Variants in ELP4 observed in about 807,000 individuals in gnomAD.
ELP4 encodes elongator complex protein 4.
A neutral mutation model predicts 48.9 loss-of-function variants in ELP4; 51 were observed. The observed-to-expected ratio is 1.04, with a 90% CI of 0.83 to 1.32. The LOEUF is 1.32. Ranked by LOEUF, ELP4 falls within the 40% of genes most tolerant of loss-of-function variation. The pLI is 0.00. For synonymous variants in ELP4, 210 were observed against 189.2 expected (o/e 1.11, Z -0.90); for missense variants, 519 against 514.6 (o/e 1.01, Z -0.08).
intron 9 of ELP4, among the ~76,000 whole-genome samples, chr11:31,742,773 C>T (rs964344416): frequency 6.6e-6 from 1 of 152,156 alleles, no homozygotes; most frequent in African/African-American, 2.4e-5. Context: ...AAAGGATCAA[C>T]CAGTACGAGC....
chr11:31,532,631 T>A lies in ELP4; in HGVS notation c.260-7031T>A, dbSNP rs915300813. Among the ~76,000 whole-genome samples the A allele has an allele frequency of 2.0e-5, 3 of 152,188 alleles. No homozygotes were observed. The East Asian group carries it at 5.8e-4, about 29-fold the overall frequency. The stretch of plus-strand genomic sequence containing the variant: ...TGCATCCGTAACTTTATGAAAGTTT[T>A]AATTCTTCTAATTAAATAGTTTAGG... On this transcript the variant is annotated intron_variant, in intron 2 of 9. Transcript: ENST00000640961.
intron 4 of ELP4, among the ~76,000 whole-genome samples, chr11:31,603,329 T>G (rs1957815311): frequency 6.6e-6 from 1 of 151,950 alleles, no homozygotes; most frequent in Non-Finnish European, 1.5e-5. Flanking sequence ...TTTAAATAGC[T>G]AGTTTCTTTT....
chr11:31,780,640 G>GCATGTCA (rs1382061844), intron 9 of ELP4: 1 of 152,132 alleles, frequency 6.6e-6, no homozygotes, highest in Non-Finnish European at 1.5e-5. Context: ...AGATTTCCAA[G>GCATGTCA]CATGTCACAT....
At chr11:31,777,500 G>A (rs1948275446) in intron 9 of ELP4, among the ~76,000 whole-genome samples, 1 of 152,188 alleles carries the variant, frequency 6.6e-6, no homozygotes, top group Admixed American at 6.5e-5. Flanking sequence ...TCATTTTGCT[G>A]TGGCCCTTCT....
At chr11:31,516,027 G>C (rs1468060452) in intron 1 of ELP4, among the ~76,000 whole-genome samples, 1 of 151,728 alleles carries the variant, frequency 6.6e-6, no homozygotes, top group Non-Finnish European at 1.5e-5. Flanking sequence ...AGGAGAATGG[G>C]GGGTGAAACC....
At chr11:31,617,668 CCAAA>C (rs1232481513) in intron 5 of ELP4, among the ~76,000 whole-genome samples, 1 of 149,142 alleles carries the variant, frequency 6.7e-6, no homozygotes, top group Non-Finnish European at 1.5e-5. Flanking sequence ...TAAATCAAAA[CCAAA>C]CAAAGAAATA....
chr11:31,524,049 CATTA>C (rs567923404), intron 2 of ELP4, among the ~76,000 whole-genome samples: 4 of 151,844 alleles, frequency 2.6e-5, no homozygotes, highest in African/African-American at 9.7e-5. Context: ...TAATCTTTTA[CATTA>C]ATTATGTAAT....
chr11:31,571,706 T>C (rs956622985), intron 3 of ELP4, among the ~76,000 whole-genome samples: 7 of 152,224 alleles, frequency 4.6e-5, no homozygotes, highest in Non-Finnish European at 7.3e-5. Flanking sequence ...GAATGGATGT[T>C]GTGTTAGCAG....
chr11:31,604,209 CAG>C (rs1235667956), intron 5 of ELP4, among the ~76,000 whole-genome samples: 1 of 151,672 alleles, frequency 6.6e-6, no homozygotes. Context: ...AGTTCTAAAT[CAG>C]AGTCTTTCAG....
In ELP4 at chr11:31,539,708, C is replaced by A; in HGVS notation, c.306C>A (p.Phe102Leu). Residue 102 changes from phenylalanine to leucine, a missense_variant, in exon 3 of 10, where the codon TTC (phenylalanine) becomes TTA (leucine). Coordinates refer to ENST00000640961, the MANE Select transcript of ELP4 (RefSeq NM_019040.5). The part of the protein sequence containing the change: ...NIYSPLLFKY[F>L]LAEGIVNGHT... ...ACTCACCTTTGCTCTTCAAGTATTT[C>A]CTGGCAGAAGGAATTGTCAATGGGC... is the stretch of plus-strand genomic sequence containing the variant. 6.2e-7 allele frequency: 1 copy of A among 1,610,318 alleles called. No homozygotes were observed. The highest frequency in any genetic ancestry group is 8.5e-7 in the Non-Finnish European group (1 of 1,178,158).
chr11:31,612,730 A>C (rs1000145575), intron 5 of ELP4, among the ~76,000 whole-genome samples: 10 of 152,144 alleles, frequency 6.6e-5, no homozygotes, highest in African/African-American at 2.4e-4. Context: ...TGAGAATAAG[A>C]TGTTTGAATT....
intron 3 of ELP4, among the ~76,000 whole-genome samples, chr11:31,570,790 CTTTTTTTT>C (rs1183889559): frequency 3.5e-5 from 3 of 86,076 alleles, no homozygotes; most frequent in African/African-American, 1.6e-4. Flanking sequence ...ACTGTAAACT[CTTTTTTTT>C]TTTTTTTTTT....
chr11:31,681,032 A>T (rs1466434256), intron 9 of ELP4, among the ~76,000 whole-genome samples: 1 of 152,152 alleles, frequency 6.6e-6, no homozygotes, highest in South Asian at 2.1e-4. Context: ...TCTTGGTGAA[A>T]CTTATAAATG....
chr11:31,781,842 T>C (rs1379988091), intron 9 of ELP4, among the ~76,000 whole-genome samples: 1 of 152,172 alleles, frequency 6.6e-6, no homozygotes, highest in African/African-American at 2.4e-5. Flanking sequence ...AAATCTTTCC[T>C]GGAACAAACT....
chr11:31,510,614 G>T, intron 1 of ELP4: 1 of 380,594 alleles, frequency 2.6e-6, no homozygotes. Flanking sequence ...TTAAATCTGT[G>T]TATATATTTT....
intron 5 of ELP4, among the ~76,000 whole-genome samples, chr11:31,624,100 T>C (rs2134032594): frequency 6.6e-6 from 1 of 151,888 alleles, no homozygotes; most frequent in Non-Finnish European, 1.5e-5. Flanking sequence ...TGTATACTGT[T>C]GGTGGAAATA....
intron 9 of ELP4, among the ~76,000 whole-genome samples, chr11:31,666,563 G>T (rs987130405): frequency 2.0e-5 from 3 of 151,660 alleles, no homozygotes; most frequent in Non-Finnish European, 4.4e-5. Context: ...GTGGTGGCAT[G>T]TGCCTGTAGT....
At chr11:31,649,455 T>A (rs542608124) in intron 8 of ELP4, 1 of 151,712 alleles carries the variant, frequency 6.6e-6, no homozygotes, top group South Asian at 2.1e-4. Flanking sequence ...TCAGAAAAAA[T>A]TAGCAAGTGT....
chr11:31,566,315 G>A (rs905965197), intron 3 of ELP4, among the ~76,000 whole-genome samples: 9 of 151,594 alleles, frequency 5.9e-5, no homozygotes, highest in African/African-American at 1.7e-4. Flanking sequence ...CCGAGATTGC[G>A]CCACTGCACT....
Sources: allele counts gnomAD v4.1 joint callset (sites outside exome capture counted in the v4.1 genomes callset), GRCh38; gene constraint gnomAD v4.1.1; transcripts MANE v1.5; gene names NCBI Gene and HGNC (gene_info 2026-07-23, HGNC 2026-07-21).